TLE2: variants seen among roughly 807,000 people sequenced by gnomAD.
TLE2 encodes TLE family member 2, transcriptional corepressor, also known as transducin-like enhancer protein 2.
Under a neutral mutation model 97.2 loss-of-function variants are expected in TLE2, and 74 were observed. The ratio of observed to expected loss-of-function variants is 0.76; its 90% confidence interval spans 0.63 to 0.92. The LOEUF (loss-of-function observed/expected upper bound fraction) is 0.92. Ranked by LOEUF, TLE2 falls within the 40% of genes least tolerant of loss-of-function variation. TLE2 has a pLI of 0.00. For missense variants in TLE2, 1,038 were observed against 1,008.7 expected (o/e 1.03, Z -0.39); for synonymous variants, 499 against 432.1 (o/e 1.15, Z -1.92).
At chr19:3,014,656 C>T (rs774407815) in intron 9 of TLE2, 42 bp from the exon 10 acceptor site, 1 of 1,540,176 alleles carries the variant, frequency 6.5e-7, no homozygotes, top group Non-Finnish European at 8.8e-7. Flanking sequence ...GGTCATGCCC[C>T]TGCCTCCACA....
At chr19:3,023,120 A>T (rs2015037) in intron 5 of TLE2, among the ~76,000 whole-genome samples, 46,790 of 150,300 alleles carry the variant, frequency 0.31, 7,826 homozygotes, top group African/African-American at 0.41. Context: ...AATGGTGCGA[A>T]CTCGGCTCAC....
At chr19:3,030,836 C>T (rs775734295), upstream of TLE2, among the ~76,000 whole-genome samples, 2 of 151,496 alleles carry the variant, frequency 1.3e-5, no homozygotes, top group Admixed American at 1.3e-4. Flanking sequence ...CCTGTGGTCC[C>T]GGCTACTTGG....
chr19:3,026,849 CTTGAGGTCTATCTCAGAACT>C (rs1329031626), intron 4 of TLE2, among the ~76,000 whole-genome samples: 18 of 152,124 alleles, frequency 1.2e-4, no homozygotes, highest in African/African-American at 3.9e-4. Flanking sequence ...ATCTCAGAAC[CTTGAGGTCTATCTCAGAACT>C]CTGAGGTCTA....
chr19:3,028,446 G>C, intron 2 of TLE2, 64 bp from the exon 3 acceptor site: 1 of 1,493,736 alleles, frequency 6.7e-7, no homozygotes, highest in African/African-American at 1.4e-5. Context: ...TCCAAAGTGA[G>C]AGGCTGGATC....
At chr19:3,010,487 C>T (rs1341576631) in intron 12 of TLE2, among the ~76,000 whole-genome samples, 2 of 152,108 alleles carry the variant, frequency 1.3e-5, no homozygotes, top group East Asian at 3.8e-4. Flanking sequence ...GCCTTGGTAC[C>T]AGCCCTGACT....
chr19:3,015,811 T>C (rs917432109), intron 8 of TLE2, 51 bp from the exon 9 acceptor site: 11 of 1,367,510 alleles, frequency 8.0e-6, no homozygotes, highest in Non-Finnish European at 1.0e-5. Flanking sequence ...CCTGGGCTCC[T>C]AGATTGCATT....
intron 12 of TLE2, 49 bp from the exon 13 acceptor site, chr19:3,009,751 C>T: frequency 3.2e-6 from 5 of 1,551,520 alleles, no homozygotes; most frequent in Non-Finnish European, 4.3e-6. Flanking sequence ...GACCCAGATC[C>T]CGCCTCCCAC....
At chr19:3,008,017 G>A (rs2089512342) in intron 14 of TLE2, among the ~76,000 whole-genome samples, 1 of 152,184 alleles carries the variant, frequency 6.6e-6, no homozygotes, top group South Asian at 2.1e-4. Flanking sequence ...AGGAGGTGGA[G>A]GTTGCAGTGA....
intron 9 of TLE2, among the ~76,000 whole-genome samples, 199 bp downstream of exon 9, chr19:3,015,454 G>A (rs1354604060): frequency 2.0e-5 from 3 of 152,244 alleles, no homozygotes; most frequent in African/African-American, 7.2e-5. Flanking sequence ...CCAAGAGGCC[G>A]CAGAGACTTC....
rs34470428 is a variant in TLE2, at chr19:3,000,841, T to TTC, written c.2048-119_2048-118insGA. 4,042 of 687,532 alleles carry TTC rather than the reference T, an allele frequency of 5.9e-3. 134 individuals carry two copies. In the African/African-American group the frequency reaches 0.068, roughly 12 times the overall value. 42.6% of individuals were successfully genotyped at this position (687,532 alleles called of 1,614,324 possible). On this transcript the variant is annotated intron_variant, in intron 18 of 19. Transcript: ENST00000262953. ...GCCTCTCCCTTTTTTTTTTTTTTTT[T>TTC]CCAAGAAAGGGTCTTGCTCTGTCAC...
At chr19:3,028,857 C>T (rs200161356) in intron 1 of TLE2, 24 bp downstream of exon 1, 6 of 1,611,588 alleles carry the variant, frequency 3.7e-6, no homozygotes, top group Non-Finnish European at 3.4e-6. Flanking sequence ...CACTGGGGGC[C>T]CCCTCCCCGC....
At position 3,019,637 on chromosome 19, in the gene TLE2, G is replaced by A. The variant is rs550221971; in HGVS notation, c.369+62C>T. Reference sequence around the variant, plus strand: ...ACCCCAGCTTTAACACCTCCTGGGTGGGTGCCAGGGACCTGGGAGTGGGCG... The same window carrying A: ...ACCCCAGCTTTAACACCTCCTGGGTAGGTGCCAGGGACCTGGGAGTGGGCG... On this transcript the variant is annotated intron_variant, in intron 6 of 19. Transcript: ENST00000262953. The surrounding 1 kb of genome is among the most constrained non-coding windows in gnomAD (Gnocchi z 5.1). The A allele has an allele frequency of 4.2e-5, 66 of 1,571,268 alleles. 1 individual carries two copies. In the South Asian group the frequency reaches 7.5e-4, roughly 18 times the overall value.
chr19:3,013,049 G>A (rs374720880), intron 11 of TLE2, among the ~76,000 whole-genome samples: 2 of 152,128 alleles, frequency 1.3e-5, no homozygotes, highest in African/African-American at 4.8e-5. Flanking sequence ...CAGGAAGGGA[G>A]GCCTTGAAAC....
At chr19:3,001,876 C>T (rs144069577) in intron 18 of TLE2, among the ~76,000 whole-genome samples, 7,229 of 148,274 alleles carry the variant, frequency 0.049, 525 homozygotes, top group African/African-American at 0.16. Context: ...TGGCTCACTG[C>T]GACCTCCACC....
chr19:3,046,376 T>C (rs540354020), upstream of TLE2, among the ~76,000 whole-genome samples: 198 of 152,340 alleles, frequency 1.3e-3, no homozygotes, highest in African/African-American at 4.5e-3. Flanking sequence ...GAATGTCTAA[T>C]GCGTCCTAGC....
intron 7 of TLE2, 113 bp from the exon 8 acceptor site, chr19:3,017,972 C>A (rs2089750641): frequency 1.1e-6 from 1 of 926,314 alleles, no homozygotes; most frequent in Non-Finnish European, 1.6e-6. Context: ...CCCCCACCAC[C>A]CCACTCAGAG....
At chr19:3,020,794 G>A (rs1332620479) in intron 5 of TLE2, among the ~76,000 whole-genome samples, 2 of 152,006 alleles carry the variant, frequency 1.3e-5, no homozygotes, top group African/African-American at 4.8e-5. Flanking sequence ...GCGAGAAAAT[G>A]TTATATCTGA....
rs2089550127 is a variant in TLE2 at position 3,009,653 on chromosome 19, G to A, written c.1062C>T (p.Ser354=). The change falls in exon 13 of 20, where the codon AGC becomes AGT. Residue 354 remains serine, a synonymous_variant. Coordinates refer to ENST00000262953, the MANE Select transcript of TLE2 (RefSeq NM_003260.5). The part of the protein sequence containing the change: ...TLSSPFTTSF[S]LGSHSTLNGD... ...CGTTGAGAGTGCTGTGGGAGCCCAG[G>A]CTGAAGGACGTGGTGAAGGGACTGG... 1.2e-6 allele frequency: 2 copies of A among 1,613,118 alleles called. No individual in the cohort carries two copies. Among genetic ancestry groups the A allele is most frequent in the Non-Finnish European group, 1.7e-6 (2 of 1,179,604 alleles).
At chr19:3,008,455 CTTTTT>C (rs34168841) in intron 14 of TLE2, among the ~76,000 whole-genome samples, 3 of 143,430 alleles carry the variant, frequency 2.1e-5, no homozygotes, top group Admixed American at 7.0e-5. Context: ...TTTCTTTTTT[CTTTTT>C]TTTTTTTTGA....
Sources: allele counts gnomAD v4.1 joint callset (sites outside exome capture counted in the v4.1 genomes callset), GRCh38; gene constraint gnomAD v4.1.1; non-coding constraint Gnocchi (gnomAD v3.1); transcripts MANE v1.5; gene names NCBI Gene and HGNC (gene_info 2026-07-23, HGNC 2026-07-21).